Variants in MOB3A observed in about 807,000 individuals in gnomAD.
MOB3A encodes the protein MOB kinase activator 3A, also known as MOB LAK.
In MOB3A, 17 loss-of-function variants were observed where a neutral mutation model predicts 17.8. That is an observed-to-expected ratio of 0.95 (90% CI 0.65 to 1.43). The LOEUF (loss-of-function observed/expected upper bound fraction) is 1.43, where lower values mean the gene tolerates loss of function less well. Among genes scored for constraint, MOB3A ranks in the 40% most tolerant of loss-of-function variants. The pLI, the probability that MOB3A is intolerant of heterozygous loss-of-function variation, is 0.00. For missense variants in MOB3A, 333 were observed against 310.8 expected (o/e 1.07, Z -0.54); for synonymous variants, 124 against 133.2 (o/e 0.93, Z 0.48).
intron 1 of MOB3A, among the ~76,000 whole-genome samples, chr19:2,086,692 G>T (rs1000762431): frequency 4.5e-4 from 68 of 152,160 alleles, no homozygotes; most frequent in Admixed American, 4.5e-3. Context: ...AACTGCTCCT[G>T]GTGCTGGTAG....
rs1279100296 is a variant in MOB3A at position 2,071,696 on chromosome 19, G to A, written c.*1699C>T. Reference sequence around the variant, plus strand: ...AGAACTCATGGATTTTGGTCTCGCAGCCCCAGGGGCCACACAGAAAAAGGG... The same window carrying A: ...AGAACTCATGGATTTTGGTCTCGCAACCCCAGGGGCCACACAGAAAAAGGG... On this transcript the variant is annotated 3_prime_UTR_variant, in exon 5 of 5. Coordinates refer to ENST00000357066, the MANE Select transcript of MOB3A (RefSeq NM_130807.3). 1 of 152,258 alleles carries A rather than the reference G, an allele frequency of 6.6e-6. No homozygotes were observed. Among genetic ancestry groups the A allele is most frequent in the Non-Finnish European group, 1.5e-5 (1 of 68,100 alleles). 9.4% of individuals were successfully genotyped at this position (152,258 alleles called of 1,614,324 possible). A position where few individuals can be genotyped will look rare whatever the true frequency, so the allele number is the denominator to read the frequency against.
intron 1 of MOB3A, chr19:2,090,129 G>A (rs557105782): frequency 8.4e-4 from 128 of 152,434 alleles, no homozygotes; most frequent in African/African-American, 2.7e-3. Flanking sequence ...CAGCTGCCAG[G>A]CGCTTCTGAA....
In MOB3A at chr19:2,081,661, G is replaced by A. The variant is rs560118619; in HGVS notation, c.-119-2982C>T. ...AGCACTTTGAGAGGCTGAGGCGGGCGGATCACGAGGTCAGGAGTTCAAGAC... is the reference window on the plus strand; with the variant it reads ...AGCACTTTGAGAGGCTGAGGCGGGCAGATCACGAGGTCAGGAGTTCAAGAC... On this transcript the variant is annotated intron_variant, in intron 2 of 4. Coordinates refer to ENST00000357066, the MANE Select transcript of MOB3A (RefSeq NM_130807.3). Among the ~76,000 whole-genome samples the A allele has an allele frequency of 3.9e-5, 6 of 152,044 alleles. No homozygotes were observed. The South Asian group carries it at 8.3e-4, about 21-fold the overall frequency.
chr19:2,080,053 G>A (rs542696165), intron 2 of MOB3A, among the ~76,000 whole-genome samples: 3 of 152,334 alleles, frequency 2.0e-5, no homozygotes, highest in South Asian at 4.1e-4. Context: ...CGCTCACCAC[G>A]CAGGGCCTGT....
chr19:2,083,137 G>A (rs2017510443), intron 2 of MOB3A, among the ~76,000 whole-genome samples: 1 of 152,224 alleles, frequency 6.6e-6, no homozygotes, highest in African/African-American at 2.4e-5. Flanking sequence ...GTGAGCCACT[G>A]TGCCTGGCCA....
At chr19:2,094,466 C>T (rs772481822) in intron 1 of MOB3A, among the ~76,000 whole-genome samples, 3 of 152,156 alleles carry the variant, frequency 2.0e-5, no homozygotes, top group East Asian at 1.9e-4. Context: ...AGAACAGAAA[C>T]GGAAGGTGGG....
chr19:2,087,364 A>C (rs567030927), intron 1 of MOB3A, among the ~76,000 whole-genome samples: 102 of 152,344 alleles, frequency 6.7e-4, no homozygotes, highest in Middle Eastern at 3.4e-3. Flanking sequence ...CCCCTAAAAG[A>C]AGCCCTGGCC....
rs141783611 is a variant in MOB3A, at chr19:2,073,408, C to T, written c.641G>A (p.Arg214Gln). The T allele has an allele frequency of 4.8e-3, 7,739 of 1,613,752 alleles. 22 individuals carry two copies. Among genetic ancestry groups the T allele is most frequent in the Non-Finnish European group, 6.1e-3 (7,175 of 1,180,000 alleles). ...ELEPLKEMTA[R>Q]MCH ...CCCGCGGGGCTCTCAGTGGCACATC[C>T]GGGCGGTCATTTCTTTCTGTAAAGA... is the stretch of plus-strand genomic sequence containing the variant. Residue 214 changes from arginine to glutamine, a missense_variant, in exon 5 of 5, where the codon CGG becomes CAG. Coordinates refer to ENST00000357066, the MANE Select transcript of MOB3A (RefSeq NM_130807.3).
intron 4 of MOB3A, among the ~76,000 whole-genome samples, 173 bp from the exon 5 acceptor site, chr19:2,073,597 G>C (rs1030538363): frequency 3.3e-5 from 5 of 152,108 alleles, no homozygotes; most frequent in Non-Finnish European, 7.4e-5. Flanking sequence ...GGGGCAGCAG[G>C]CTACCCCATG....
intron 4 of MOB3A, among the ~76,000 whole-genome samples, chr19:2,076,148 G>A (rs1599401970): frequency 7.3e-6 from 1 of 137,512 alleles, no homozygotes; most frequent in East Asian, 2.1e-4. Context: ...AAAAAAAAAG[G>A]CCAGGCACAG....
At chr19:2,075,437 C>T (rs2017392281) in intron 4 of MOB3A, among the ~76,000 whole-genome samples, 1 of 152,132 alleles carries the variant, frequency 6.6e-6, no homozygotes, top group South Asian at 2.1e-4. Flanking sequence ...GAGTTCAGAC[C>T]AGCCTGGGCA....
At chr19:2,079,040 G>C (rs964493259) in intron 2 of MOB3A, among the ~76,000 whole-genome samples, 2 of 152,354 alleles carry the variant, frequency 1.3e-5, no homozygotes, top group Non-Finnish European at 2.9e-5. Context: ...GCTTACAGGT[G>C]TGAGCCACTA....
At chr19:2,096,060 C>A (rs1268773942) in intron 1 of MOB3A, among the ~76,000 whole-genome samples, 166 bp downstream of exon 1, 4 of 151,768 alleles carry the variant, frequency 2.6e-5, no homozygotes, top group Admixed American at 6.6e-5. Context: ...TTCCTGAAGG[C>A]TCGGCCTCCC....
At chr19:2,080,644 G>A (rs1198878530) in intron 2 of MOB3A, among the ~76,000 whole-genome samples, 1 of 152,082 alleles carries the variant, frequency 6.6e-6, no homozygotes, top group East Asian at 1.9e-4. Flanking sequence ...CCAAAGTGCT[G>A]GGATTGCAAG....
At chr19:2,079,916 G>C (rs1407882108) in intron 2 of MOB3A, among the ~76,000 whole-genome samples, 1 of 152,228 alleles carries the variant, frequency 6.6e-6, no homozygotes, top group Non-Finnish European at 1.5e-5. Context: ...ACACCCACGG[G>C]TTGCTCTGGG....
At chr19:2,073,531 C>A in intron 4 of MOB3A, 107 bp from the exon 5 acceptor site, 1 of 1,441,500 alleles carries the variant, frequency 6.9e-7, no homozygotes, top group Non-Finnish European at 9.7e-7. Flanking sequence ...CAGCTGGGGG[C>A]TTCCCTGAAC....
intron 4 of MOB3A, among the ~76,000 whole-genome samples, chr19:2,075,599 C>G (rs865988331): frequency 6.6e-6 from 1 of 152,192 alleles, no homozygotes; most frequent in Non-Finnish European, 1.5e-5. Flanking sequence ...AATGCAGCCT[C>G]TGGGCAGGTT....
At chr19:2,076,123 C>CAAA (rs771808104) in intron 4 of MOB3A, among the ~76,000 whole-genome samples, 20 of 34,348 alleles carry the variant, frequency 5.8e-4, no homozygotes, top group Non-Finnish European at 8.8e-4. Flanking sequence ...ACTCCATCTC[C>CAAA]AAAAAAAAAA....
intron 2 of MOB3A, among the ~76,000 whole-genome samples, chr19:2,081,922 C>T (rs746361621): frequency 2.0e-5 from 3 of 152,122 alleles, no homozygotes; most frequent in Admixed American, 6.6e-5. Context: ...CCACTGTGAA[C>T]GCAGTGACGA....
Sources: gnomAD v4.1 joint callset for allele counts (sites outside exome capture counted in the v4.1 genomes callset) on GRCh38, gnomAD v4.1.1 for gene constraint, MANE v1.5 for transcripts, NCBI Gene and HGNC (gene_info 2026-07-23, HGNC 2026-07-21) for gene names.